Variants in STAB2 observed in about 807,000 individuals in gnomAD.
STAB2 encodes stabilin-2.
Under a neutral mutation model 338.1 loss-of-function variants are expected in STAB2, and 288 were observed. The observed-to-expected ratio is 0.85, with a 90% CI of 0.77 to 0.94. The LOEUF is 0.94. STAB2 is among the 40% of genes least tolerant of loss of function. STAB2 has a pLI of 0.00. For missense variants in STAB2, 3,141 were observed against 3,210.1 expected, an observed-to-expected ratio of 0.98 and a Z score of 0.52; for synonymous variants, 1,202 against 1,193.3, an observed-to-expected ratio of 1.01 and a Z score of -0.15.
At chr12:103,697,521 G>A (rs1341136061) in intron 33 of STAB2, among the ~76,000 whole-genome samples, 1 of 152,198 alleles carries the variant, frequency 6.6e-6, no homozygotes, top group East Asian at 1.9e-4. Context: ...CACAAACTCA[G>A]TCTCAGCTAA....
intron 3 of STAB2, among the ~76,000 whole-genome samples, chr12:103,608,694 G>C (rs1368208990): frequency 6.6e-6 from 1 of 152,176 alleles, no homozygotes; most frequent in African/African-American, 2.4e-5. Context: ...AGTTTAATTA[G>C]ATCCCATTTG....
chr12:103,724,569 C>A (rs138629562), intron 44 of STAB2, among the ~76,000 whole-genome samples: 27 of 152,134 alleles, frequency 1.8e-4, no homozygotes, highest in African/African-American at 6.3e-4. Flanking sequence ...AGGGCTGGGA[C>A]AATGTGTTCT....
Position 103,629,431 on chromosome 12 carries a change from G to C in STAB2, c.488-2167G>C, listed in dbSNP as rs542735425. Among the ~76,000 whole-genome samples, 7 of 152,294 alleles carry C rather than the reference G, an allele frequency of 4.6e-5. No individual in the cohort carries two copies. In the South Asian group the frequency reaches 1.5e-3, roughly 32 times the overall value. Reference sequence around the variant, plus strand: ...CTTCTGACTTGGTTTGACCATTGGTGCTCTCCTGGTGGTCTTCAGCTGTCA... The same window carrying C: ...CTTCTGACTTGGTTTGACCATTGGTCCTCTCCTGGTGGTCTTCAGCTGTCA... On this transcript the variant is annotated intron_variant, in intron 5 of 68. Coordinates refer to ENST00000388887, the MANE Select transcript of STAB2 (RefSeq NM_017564.10).
intron 3 of STAB2, among the ~76,000 whole-genome samples, chr12:103,613,677 G>T (rs981483307): frequency 6.6e-6 from 1 of 152,138 alleles, no homozygotes; most frequent in South Asian, 2.1e-4. Flanking sequence ...CACACTAGGT[G>T]CACTGCACCC....
At chr12:103,711,307 A>G in intron 39 of STAB2, 164 bp from the exon 40 acceptor site, 1 of 882,190 alleles carries the variant, frequency 1.1e-6, no homozygotes, top group Non-Finnish European at 1.7e-6. Context: ...TTTGAGCTTC[A>G]TGGCAGCCAG....
At chr12:103,614,211 A>G (rs1214655197) in intron 3 of STAB2, among the ~76,000 whole-genome samples, 1 of 152,186 alleles carries the variant, frequency 6.6e-6, no homozygotes, top group African/African-American at 2.4e-5. Context: ...TTGTACTTTA[A>G]AAAATTCTTG....
chr12:103,688,361 A>G, intron 28 of STAB2, 146 bp downstream of exon 28: 1 of 742,792 alleles, frequency 1.3e-6, no homozygotes, highest in East Asian at 2.5e-5. Flanking sequence ...TGCACTGTGG[A>G]ACCACATGGA....
In STAB2 at chr12:103,708,541, G is replaced by C. The variant is rs1475907883; in HGVS notation, c.4288+5G>C. The C allele has an allele frequency of 6.2e-7, 1 of 1,613,696 alleles. No individual in the cohort carries two copies. The highest frequency in any genetic ancestry group is 8.5e-7 in the Non-Finnish European group (1 of 1,179,618). ...GAGGAGTGCATTGTGACAATGGTAA[G>C]AGTGAGGCCTCCAGTATTTATAATC... On this transcript the variant is annotated splice_donor_5th_base_variant and intron_variant, in intron 39 of 68. Transcript: ENST00000388887.
intron 51 of STAB2, among the ~76,000 whole-genome samples, chr12:103,735,145 C>T (rs1882009403): frequency 6.6e-6 from 1 of 152,118 alleles, no homozygotes; most frequent in Admixed American, 6.5e-5. Context: ...CAGTGCCACC[C>T]ATAACTGCAT....
At chr12:103,596,144 G>T (rs1157600092) in intron 3 of STAB2, among the ~76,000 whole-genome samples, 2 of 152,274 alleles carry the variant, frequency 1.3e-5, no homozygotes, top group Non-Finnish European at 2.9e-5. Context: ...CCGACTTCCA[G>T]ATTTTAAGAA....
At chr12:103,606,859 C>A (rs1957036075) in intron 3 of STAB2, among the ~76,000 whole-genome samples, 1 of 152,120 alleles carries the variant, frequency 6.6e-6, no homozygotes. Flanking sequence ...TGGCACACAC[C>A]TGTAGTCCCA....
intron 9 of STAB2, among the ~76,000 whole-genome samples, chr12:103,646,715 TTAAATAATCAG>T (rs948609322): frequency 2.0e-4 from 30 of 152,344 alleles, no homozygotes; most frequent in African/African-American, 6.3e-4. Flanking sequence ...AAGAAGGTAC[TTAAATAATCAG>T]TAAATAATCA....
At chr12:103,759,019 G>A (rs948998597) in intron 64 of STAB2, 114 bp from the exon 65 acceptor site, 122 of 1,549,366 alleles carry the variant, frequency 7.9e-5, no homozygotes, top group Non-Finnish European at 1.0e-4. Context: ...TCTCCACATG[G>A]AGGCAGGAAA....
intron 1 of STAB2, among the ~76,000 whole-genome samples, chr12:103,588,385 C>A (rs1463534843): frequency 1.3e-5 from 2 of 152,154 alleles, no homozygotes; most frequent in Non-Finnish European, 2.9e-5. Context: ...GAGGATCAGT[C>A]ATGATCGTCC....
At chr12:103,641,111 C>T (rs1047453535) in intron 9 of STAB2, among the ~76,000 whole-genome samples, 3 of 152,250 alleles carry the variant, frequency 2.0e-5, no homozygotes, top group Non-Finnish European at 4.4e-5. Context: ...CTCAAAACCA[C>T]AATCAACATC....
chr12:103,648,259 G>T (rs1163603020), intron 9 of STAB2, among the ~76,000 whole-genome samples: 1 of 152,190 alleles, frequency 6.6e-6, no homozygotes, highest in African/African-American at 2.4e-5. Context: ...AGGAGCAGGG[G>T]TGGGGGAAGC....
At chr12:103,685,422 CTGTGTGTGTG>C (rs141365936) in intron 27 of STAB2, among the ~76,000 whole-genome samples, 22 of 145,816 alleles carry the variant, frequency 1.5e-4, no homozygotes, top group African/African-American at 3.5e-4. Context: ...CTTACCCATG[CTGTGTGTGTG>C]TGTGTGTGTG....
At chr12:103,708,588 G>T (rs11111720) in intron 39 of STAB2, 52 bp downstream of exon 39, 1 of 1,530,778 alleles carries the variant, frequency 6.5e-7, no homozygotes, top group Non-Finnish European at 9.0e-7. Flanking sequence ...TTGCTTCTCA[G>T]CAGCTACATT....
chr12:103,674,689 T>C (rs986994163), intron 23 of STAB2, among the ~76,000 whole-genome samples: 1 of 152,228 alleles, frequency 6.6e-6, no homozygotes, highest in Admixed American at 6.5e-5. Context: ...AGAGGAAATT[T>C]ACCTCTCTGG....
Sources: allele counts gnomAD v4.1 joint callset (sites outside exome capture counted in the v4.1 genomes callset), GRCh38; gene constraint gnomAD v4.1.1; transcripts MANE v1.5; gene names NCBI Gene and HGNC (gene_info 2026-07-23, HGNC 2026-07-21).